Variants in MAGI2 observed in about 807,000 individuals in gnomAD.
The protein encoded by MAGI2 is membrane associated guanylate kinase, WW and PDZ domain containing 2, also known as membrane-associated guanylate kinase, WW and PDZ domain-containing protein 2.
A neutral mutation model predicts 133.3 loss-of-function variants in MAGI2; 35 were observed. That is an observed-to-expected ratio of 0.26 (90% confidence interval 0.20 to 0.35). MAGI2 has a LOEUF of 0.35. Among genes scored for constraint, MAGI2 ranks in the 10% least tolerant of loss-of-function variants. The pLI is 1.00. For missense variants in MAGI2, 1,636 were observed against 1,863.4 expected (o/e 0.88, Z 2.25); for synonymous variants, 729 against 710.6 (o/e 1.03, Z -0.41).
At chr7:78,811,446 T>C (rs947657134) in intron 2 of MAGI2, among the ~76,000 whole-genome samples, 3 of 151,960 alleles carry the variant, frequency 2.0e-5, no homozygotes, top group Non-Finnish European at 4.4e-5. Flanking sequence ...TTGAATTTTA[T>C]CCGGAATCTA....
At chr7:78,746,417 A>G (rs1822932736) in intron 2 of MAGI2, among the ~76,000 whole-genome samples, 1 of 152,194 alleles carries the variant, frequency 6.6e-6, no homozygotes, top group African/African-American at 2.4e-5. Flanking sequence ...CCGGGACAGA[A>G]CATCAACTTC....
At chr7:79,360,555 A>G (rs1842316809) in intron 1 of MAGI2, among the ~76,000 whole-genome samples, 1 of 152,130 alleles carries the variant, frequency 6.6e-6, no homozygotes, top group African/African-American at 2.4e-5. Context: ...ATGACTCTGA[A>G]GACAACAATA....
chr7:78,596,443 C>A (rs1352736771), intron 3 of MAGI2, among the ~76,000 whole-genome samples: 3 of 152,106 alleles, frequency 2.0e-5, no homozygotes, highest in Non-Finnish European at 4.4e-5. Context: ...AAAAAACATG[C>A]AAAATATAAC....
At chr7:78,691,911 A>G (rs1344686376) in intron 2 of MAGI2, among the ~76,000 whole-genome samples, 3 of 152,198 alleles carry the variant, frequency 2.0e-5, no homozygotes, top group African/African-American at 7.2e-5. Context: ...ACTTTAAGTG[A>G]TAATGATGTG....
At chr7:79,402,074 C>T (rs1019753078) in intron 1 of MAGI2, among the ~76,000 whole-genome samples, 19 of 152,072 alleles carry the variant, frequency 1.2e-4, no homozygotes, top group Non-Finnish European at 1.5e-5. Context: ...CATGATTCTA[C>T]AAAACTCTGA....
At chr7:79,330,099 G>C (rs1161750437) in intron 1 of MAGI2, among the ~76,000 whole-genome samples, 1 of 144,436 alleles carries the variant, frequency 6.9e-6, no homozygotes, top group Non-Finnish European at 1.5e-5. Flanking sequence ...TAGGAAGAAA[G>C]GAAACAAACT....
At chr7:78,126,629 A>G (rs2158525) in intron 19 of MAGI2, among the ~76,000 whole-genome samples, 130,460 of 152,268 alleles carry the variant, frequency 0.86, 56,283 homozygotes, top group African/African-American at 0.91. Context: ...GACATGAAGC[A>G]CATCAACAAA....
intron 2 of MAGI2, among the ~76,000 whole-genome samples, chr7:78,859,792 C>T (rs561708053): frequency 2.0e-5 from 3 of 152,310 alleles, no homozygotes; most frequent in African/African-American, 7.2e-5. Context: ...GCCTGCCTCA[C>T]TAGGTTGGGG....
chr7:79,061,873 C>T (rs538958604), intron 1 of MAGI2, among the ~76,000 whole-genome samples: 1 of 152,146 alleles, frequency 6.6e-6, no homozygotes, highest in South Asian at 2.1e-4. Flanking sequence ...AGTTCAAATA[C>T]CTGCTCCACC....
At chr7:78,616,346 G>T (rs987737675) in intron 3 of MAGI2, 2 of 152,014 alleles carry the variant, frequency 1.3e-5, no homozygotes, top group African/African-American at 4.8e-5. Context: ...ATAATATTTG[G>T]GAGAAAAAGA....
chr7:78,399,533 A>G (rs866582764), intron 6 of MAGI2, among the ~76,000 whole-genome samples: 38 of 152,214 alleles, frequency 2.5e-4, no homozygotes, highest in Admixed American at 1.9e-3. Flanking sequence ...GGCTGGGTGC[A>G]GTGGCTCATG....
intron 21 of MAGI2, among the ~76,000 whole-genome samples, chr7:78,058,463 T>A (rs2151128529): frequency 6.9e-6 from 1 of 144,198 alleles, no homozygotes; most frequent in African/African-American, 2.6e-5. Context: ...AATGTTCACA[T>A]ACATCTTAAA....
chr7:78,781,235 C>T (rs1291529312), intron 2 of MAGI2, among the ~76,000 whole-genome samples: 2 of 152,008 alleles, frequency 1.3e-5, no homozygotes, highest in Non-Finnish European at 2.9e-5. Flanking sequence ...AAAAATTAGC[C>T]GGACATGGTG....
At chr7:78,797,872 G>A (rs1787744577) in intron 2 of MAGI2, among the ~76,000 whole-genome samples, 1 of 151,740 alleles carries the variant, frequency 6.6e-6, no homozygotes, top group Non-Finnish European at 1.5e-5. Flanking sequence ...CCCAAGAGCA[G>A]TTCAAATAAT....
At chr7:78,243,939 A>G (rs78501385) in intron 10 of MAGI2, among the ~76,000 whole-genome samples, 1 of 152,048 alleles carries the variant, frequency 6.6e-6, no homozygotes, top group Admixed American at 6.5e-5. Context: ...GCTGGGCATC[A>G]GCCAATAAAT....
intron 10 of MAGI2, among the ~76,000 whole-genome samples, chr7:78,203,819 C>T (rs1829488149): frequency 6.6e-6 from 1 of 152,158 alleles, no homozygotes; most frequent in African/African-American, 2.4e-5. Flanking sequence ...TTTGGATATA[C>T]TCAATTTGGT....
intron 1 of MAGI2, among the ~76,000 whole-genome samples, chr7:79,331,581 C>T (rs1840074177): frequency 6.6e-6 from 1 of 152,016 alleles, no homozygotes; most frequent in Non-Finnish European, 1.5e-5. Context: ...AAAATGTTTG[C>T]CTCAAAATAG....
chr7:78,879,661 T>C (rs1421032510), intron 2 of MAGI2, among the ~76,000 whole-genome samples: 1 of 152,116 alleles, frequency 6.6e-6, no homozygotes, highest in Non-Finnish European at 1.5e-5. Flanking sequence ...ACAAGAATTC[T>C]GTTACCATAA....
At chr7:78,394,662 C>T (rs1796185030) in intron 6 of MAGI2, among the ~76,000 whole-genome samples, 2 of 152,208 alleles carry the variant, frequency 1.3e-5, no homozygotes, top group Admixed American at 1.3e-4. Context: ...AGTCTTGGTT[C>T]AAACATTATA....
Sources: gnomAD v4.1 joint callset for allele counts (sites outside exome capture counted in the v4.1 genomes callset) on GRCh38, gnomAD v4.1.1 for gene constraint, MANE v1.5 for transcripts, NCBI Gene and HGNC (gene_info 2026-07-23, HGNC 2026-07-21) for gene names.